Variants in DPYD observed in about 807,000 individuals in gnomAD.
The protein encoded by DPYD is dihydropyrimidine dehydrogenase [NADP(+)].
In DPYD, 109 loss-of-function variants were observed where a neutral mutation model predicts 116.2. That is an observed-to-expected ratio of 0.94 (90% CI 0.80 to 1.10). The LOEUF (loss-of-function observed/expected upper bound fraction) is 1.10, where lower values mean the gene tolerates loss of function less well. DPYD is among the 50% of genes least tolerant of loss of function. DPYD has a pLI of 0.00. For missense variants in DPYD, 1,302 were observed against 1,254.5 expected (o/e 1.04, Z -0.57); for synonymous variants, 440 against 432.0 (o/e 1.02, Z -0.23).
chr1:97,584,670 A>G (rs1048041353), intron 10 of DPYD, among the ~76,000 whole-genome samples: 3 of 151,750 alleles, frequency 2.0e-5, no homozygotes, highest in Non-Finnish European at 4.4e-5. Context: ...GAAGCTGGAA[A>G]CCATCATTCT....
In DPYD at chr1:97,078,603, C is replaced by T. The variant is rs902119239; in HGVS notation, c.*373G>A. On this transcript the variant is annotated 3_prime_UTR_variant, in exon 23 of 23. Transcript: ENST00000370192. ...TTAAAGAGTACTTTGTTTCAAAATGCTTAATTTCACTTACAATTAGAAATC... is the reference window on the plus strand; with the variant it reads ...TTAAAGAGTACTTTGTTTCAAAATGTTTAATTTCACTTACAATTAGAAATC... The T allele has an allele frequency of 3.9e-6, 1 of 254,574 alleles. No individual in the cohort carries two copies. Among genetic ancestry groups the T allele is most frequent in the Non-Finnish European group, 7.7e-6 (1 of 129,320 alleles). The allele number at this position is 254,574 out of a possible 1,614,324, so 15.8% of individuals were successfully genotyped here.
At chr1:97,175,557 T>A (rs1338327279) in intron 20 of DPYD, among the ~76,000 whole-genome samples, 1 of 152,206 alleles carries the variant, frequency 6.6e-6, no homozygotes, top group Non-Finnish European at 1.5e-5. Flanking sequence ...CTTATCAGAA[T>A]CTTGGTGAAT....
chr1:97,641,122 T>C (rs1436064141), intron 8 of DPYD, among the ~76,000 whole-genome samples: 2 of 152,146 alleles, frequency 1.3e-5, no homozygotes, highest in Non-Finnish European at 2.9e-5. Flanking sequence ...GTCCTCAGGC[T>C]TGCATGGGGG....
rs993221432 is a variant in DPYD at position 97,346,578 on chromosome 1, G to A, written c.2058+26983C>T. Among the ~76,000 whole-genome samples, 3 of 151,658 alleles carry A rather than the reference G, an allele frequency of 2.0e-5. No individual in the cohort carries two copies. The South Asian group carries it at 6.2e-4, about 31-fold the overall frequency. Reference sequence around the variant, plus strand: ...TCCTTATAGATTATAAGGTCCATAAGGCATTTTTCTATACTGTTTTTGAAA... The same window carrying A: ...TCCTTATAGATTATAAGGTCCATAAAGCATTTTTCTATACTGTTTTTGAAA... On this transcript the variant is annotated intron_variant, in intron 16 of 22. Transcript: ENST00000370192.
chr1:97,133,867 C>T lies in DPYD; in HGVS notation c.2623-35235G>A, dbSNP rs371680653. On this transcript the variant is annotated intron_variant, in intron 20 of 22. Transcript: ENST00000370192. The stretch of plus-strand genomic sequence containing the variant: ...ACAAAAAATTAGCCAGGTGTTACGG[C>T]ATGCGCCTGTAGTCCCAGCTACTCA... Among the ~76,000 whole-genome samples the T allele has an allele frequency of 4.9e-4, 74 of 150,548 alleles. 2 individuals are homozygous for T. In the South Asian group the frequency reaches 0.015, roughly 31 times the overall value.
chr1:97,267,241 ATC>A (rs1216518150), intron 18 of DPYD, among the ~76,000 whole-genome samples: 4 of 152,142 alleles, frequency 2.6e-5, no homozygotes, highest in African/African-American at 9.7e-5. Flanking sequence ...GTGAGATGGT[ATC>A]TCATTGTGGT....
At chr1:97,527,593 A>C (rs1649243250) in intron 12 of DPYD, among the ~76,000 whole-genome samples, 1 of 152,100 alleles carries the variant, frequency 6.6e-6, no homozygotes, top group Non-Finnish European at 1.5e-5. Flanking sequence ...AAATACAGTC[A>C]AACTATAATA....
chr1:97,737,776 C>T (rs1234967839), intron 4 of DPYD, among the ~76,000 whole-genome samples: 1 of 151,998 alleles, frequency 6.6e-6, no homozygotes, highest in African/African-American at 2.4e-5. Context: ...TATATATACA[C>T]ACACACATAC....
At chr1:97,080,000 C>A (rs954436082) in intron 22 of DPYD, among the ~76,000 whole-genome samples, 9 of 151,644 alleles carry the variant, frequency 5.9e-5, no homozygotes, top group African/African-American at 2.2e-4. Flanking sequence ...GATTATTTTC[C>A]CATTAAAGAG....
chr1:97,713,489 C>T (rs1000475472), intron 5 of DPYD, among the ~76,000 whole-genome samples: 5 of 152,000 alleles, frequency 3.3e-5, no homozygotes, highest in African/African-American at 1.2e-4. Flanking sequence ...ATTCATCTGG[C>T]CCCACAGTTC....
intron 20 of DPYD, among the ~76,000 whole-genome samples, chr1:97,104,471 T>C (rs900136594): frequency 1.3e-5 from 2 of 152,084 alleles, no homozygotes; most frequent in Admixed American, 1.3e-4. Context: ...GAGACTATAT[T>C]AATAACAATT....
chr1:97,827,978 A>C, intron 3 of DPYD, 136 bp downstream of exon 3: 1 of 805,414 alleles, frequency 1.2e-6, no homozygotes. Flanking sequence ...CCTCAAGGGA[A>C]GTCTCTCCAC....
intron 13 of DPYD, among the ~76,000 whole-genome samples, chr1:97,466,775 C>T (rs561681828): frequency 6.1e-4 from 93 of 152,244 alleles, no homozygotes; most frequent in African/African-American, 2.2e-3. Context: ...ACCAGGCATC[C>T]AGTACTAAAC....
At chr1:97,283,900 T>C (rs531581620) in intron 18 of DPYD, among the ~76,000 whole-genome samples, 20 of 152,260 alleles carry the variant, frequency 1.3e-4, no homozygotes, top group African/African-American at 4.8e-4. Flanking sequence ...CAAGTACCAA[T>C]GGACCTCAGG....
chr1:97,415,485 C>T (rs1295274813), intron 14 of DPYD, among the ~76,000 whole-genome samples: 1 of 152,058 alleles, frequency 6.6e-6, no homozygotes, highest in Admixed American at 6.6e-5. Context: ...CCGTGCCCAG[C>T]TAGTTTTTGT....
intron 15 of DPYD, among the ~76,000 whole-genome samples, chr1:97,375,228 T>C (rs1056583010): frequency 1.3e-5 from 2 of 152,128 alleles, no homozygotes; most frequent in African/African-American, 4.8e-5. Flanking sequence ...GCTTAAAAAA[T>C]AGTTCACTAC....
intron 2 of DPYD, among the ~76,000 whole-genome samples, chr1:97,861,330 GT>G (rs916931414): frequency 6.6e-6 from 1 of 151,634 alleles, no homozygotes; most frequent in Non-Finnish European, 1.5e-5. Flanking sequence ...GACTTACCAA[GT>G]TTTACACAAA....
At chr1:97,385,670 C>T (rs1672303196) in intron 14 of DPYD, among the ~76,000 whole-genome samples, 1 of 152,076 alleles carries the variant, frequency 6.6e-6, no homozygotes, top group Non-Finnish European at 1.5e-5. Context: ...TGTGCACCTC[C>T]CTCTCCAGCT....
intron 20 of DPYD, among the ~76,000 whole-genome samples, chr1:97,139,124 A>C (rs1654017244): frequency 6.6e-6 from 1 of 152,118 alleles, no homozygotes; most frequent in Non-Finnish European, 1.5e-5. Context: ...CAAAATGTAA[A>C]TTAATTTCCT....
Sources: gnomAD v4.1 joint callset for allele counts (sites outside exome capture counted in the v4.1 genomes callset) on GRCh38, gnomAD v4.1.1 for gene constraint, MANE v1.5 for transcripts, NCBI Gene and HGNC (gene_info 2026-07-23, HGNC 2026-07-21) for gene names.